The following RORB variants were observed in gnomAD, a reference collection of about 807,000 sequenced individuals.
RORB encodes RAR related orphan receptor B.
A neutral mutation model predicts 59.1 loss-of-function variants in RORB; 6 were observed. The ratio of observed to expected loss-of-function variants is 0.10; its 90% CI spans 0.06 to 0.20. The LOEUF (loss-of-function observed/expected upper bound fraction) is 0.20, where lower values mean the gene tolerates loss of function less well. RORB is among the 10% of genes least tolerant of loss of function. The probability of loss-of-function intolerance (pLI) is 1.00; values close to 1 mark genes in which losing one functional copy is unlikely to be tolerated. For synonymous variants in RORB, 215 were observed against 204.5 expected, an observed-to-expected ratio of 1.05 and a Z score of -0.44; for missense variants, 320 against 560.5, an observed-to-expected ratio of 0.57 and a Z score of 4.33.
intron 1 of RORB, among the ~76,000 whole-genome samples, chr9:74,504,284 A>T (rs920101017): frequency 2.0e-5 from 3 of 152,062 alleles, no homozygotes; most frequent in Admixed American, 2.0e-4. Context: ...TTTTATACTC[A>T]ATATGTCCTG....
At chr9:74,604,139 C>A (rs1570500) in intron 1 of RORB, among the ~76,000 whole-genome samples, 117,401 of 152,054 alleles carry the variant, frequency 0.77, 45,882 homozygotes, top group East Asian at 0.92. Flanking sequence ...CTAGAATCTC[C>A]AATAAGGCAG....
intron 1 of RORB, among the ~76,000 whole-genome samples, chr9:74,523,330 C>A (rs1018584): frequency 0.32 from 48,183 of 151,412 alleles, 7,950 homozygotes; most frequent in Admixed American, 0.41. Flanking sequence ...ATTTTCAAAG[C>A]ATTTGCTTGG....
chr9:74,617,097 CA>C (rs1167699313), intron 1 of RORB, among the ~76,000 whole-genome samples: 53 of 148,470 alleles, frequency 3.6e-4, no homozygotes, highest in African/African-American at 7.4e-5. Context: ...GCTCCCCCCG[CA>C]AAAAAACTCT....
intron 1 of RORB, among the ~76,000 whole-genome samples, chr9:74,589,502 C>T (rs1822854527): frequency 6.6e-6 from 1 of 152,126 alleles, no homozygotes; most frequent in Admixed American, 6.6e-5. Context: ...ACTTTGTAAA[C>T]CTCGTTCTTA....
At chr9:74,561,751 T>TA (rs1822399335) in intron 1 of RORB, among the ~76,000 whole-genome samples, 2 of 152,304 alleles carry the variant, frequency 1.3e-5, no homozygotes, top group South Asian at 2.1e-4. Flanking sequence ...ACTAATTAAA[T>TA]AAAAAACATT....
chr9:74,650,073 G>A (rs1419181324), intron 4 of RORB, among the ~76,000 whole-genome samples: 2 of 152,098 alleles, frequency 1.3e-5, no homozygotes, highest in Non-Finnish European at 2.9e-5. Flanking sequence ...CATTTCAAAA[G>A]CCATAGTAAT....
chr9:74,578,686 CT>C (rs5898362), intron 1 of RORB, among the ~76,000 whole-genome samples: 145,824 of 152,170 alleles, frequency 0.96, 70,192 homozygotes, highest in East Asian at 1. Context: ...GTAGAAGATC[CT>C]TTTTAAGGAT....
At chr9:74,663,993 CAA>C (rs767591681) in intron 6 of RORB, among the ~76,000 whole-genome samples, 26 of 152,118 alleles carry the variant, frequency 1.7e-4, no homozygotes, top group Non-Finnish European at 3.7e-4. Flanking sequence ...CACCCAGATT[CAA>C]AGATAGGAGA....
At chr9:74,635,796 C>A (rs1319960693) in intron 3 of RORB, among the ~76,000 whole-genome samples, 1 of 152,092 alleles carries the variant, frequency 6.6e-6, no homozygotes, top group Non-Finnish European at 1.5e-5. Context: ...TATAGACACA[C>A]ACAAAACAAG....
chr9:74,688,843 AT>A lies in RORB; in HGVS notation c.*3230del, dbSNP rs1824691133. 1 of 152,192 alleles carries A rather than the reference AT, an allele frequency of 6.6e-6. No individual in the cohort carries two copies. The highest frequency in any genetic ancestry group is 2.4e-5 in the African/African-American group (1 of 41,442). The allele number at this position is 152,192 out of a possible 1,614,324, so 9.4% of individuals were successfully genotyped here. A position where few individuals can be genotyped will look rare whatever the true frequency, so the allele number is the denominator to read the frequency against. ...TAATCTAGCTGTCCCATTCAGAGGA[AT>A]TTTTATCTCCCTGCAAATCCAAACT... On this transcript the variant is annotated 3_prime_UTR_variant, in exon 10 of 10. Coordinates refer to ENST00000376896, the MANE Select transcript of RORB (RefSeq NM_006914.4).
chr9:74,650,455 A>G (rs2118484232), intron 4 of RORB, among the ~76,000 whole-genome samples: 1 of 152,362 alleles, frequency 6.6e-6, no homozygotes, highest in East Asian at 1.9e-4. Context: ...TGGTGTGATT[A>G]GCGTGGTATG....
chr9:74,646,073 A>G (rs926081348), intron 4 of RORB, among the ~76,000 whole-genome samples: 3 of 152,078 alleles, frequency 2.0e-5, no homozygotes, highest in Admixed American at 6.6e-5. Context: ...TGCATATAAA[A>G]CAGAAAATCA....
chr9:74,646,482 T>G (rs1174723489), intron 4 of RORB, among the ~76,000 whole-genome samples: 1 of 152,146 alleles, frequency 6.6e-6, no homozygotes, highest in Non-Finnish European at 1.5e-5. Flanking sequence ...AACTACAAAA[T>G]TCCTAGGTTA....
chr9:74,677,071 G>A (rs1299476046), intron 9 of RORB, among the ~76,000 whole-genome samples: 1 of 152,148 alleles, frequency 6.6e-6, no homozygotes, highest in Non-Finnish European at 1.5e-5. Flanking sequence ...TAAACACTAG[G>A]CATTTCCCCG....
chr9:74,516,290 T>C (rs895441659), intron 1 of RORB, among the ~76,000 whole-genome samples: 3 of 152,040 alleles, frequency 2.0e-5, no homozygotes, highest in African/African-American at 7.2e-5. Flanking sequence ...TCTTGAATTT[T>C]TATTGTCACA....
rs528703941 is a variant in RORB at position 74,619,902 on chromosome 9, T to C, written c.8-10380T>C. Among the ~76,000 whole-genome samples, 3 of 152,330 alleles carry C rather than the reference T, an allele frequency of 2.0e-5. No individual in the cohort carries two copies. The East Asian group carries it at 5.8e-4, about 29-fold the overall frequency. On this transcript the variant is annotated intron_variant, in intron 1 of 9. Transcript: ENST00000376896. ...CCCAGGGATGAAGCCAACTTGATCA[T>C]GGTGGATAAGCTTTTTGATGTGCTG... is the stretch of plus-strand genomic sequence containing the variant.
At chr9:74,658,004 C>CAAAAAAAAA (rs60719147) in intron 4 of RORB, among the ~76,000 whole-genome samples, 22 of 97,818 alleles carry the variant, frequency 2.2e-4, no homozygotes, top group South Asian at 4.0e-4. Context: ...GACTCGGTCT[C>CAAAAAAAAA]AAAAAAAAAA....
chr9:74,590,936 CA>C (rs1210796277), intron 1 of RORB, among the ~76,000 whole-genome samples: 2 of 152,278 alleles, frequency 1.3e-5, no homozygotes, highest in Non-Finnish European at 1.5e-5. Flanking sequence ...GCTGGGACTA[CA>C]GGCGCATGCC....
intron 9 of RORB, among the ~76,000 whole-genome samples, chr9:74,682,681 C>T (rs1297205500): frequency 2.6e-5 from 4 of 152,198 alleles, no homozygotes; most frequent in Admixed American, 2.6e-4. Flanking sequence ...TGAGAACTTC[C>T]ATGTCTGCCT....
Sources: gnomAD v4.1 joint callset for allele counts (sites outside exome capture counted in the v4.1 genomes callset) on GRCh38, gnomAD v4.1.1 for gene constraint, MANE v1.5 for transcripts, NCBI Gene and HGNC (gene_info 2026-07-23, HGNC 2026-07-21) for gene names.